Variants in SNX27 observed in about 807,000 individuals in gnomAD.
SNX27 encodes the protein sorting nexin 27.
Under a neutral mutation model 71.6 loss-of-function variants are expected in SNX27, and 22 were observed. The observed-to-expected ratio is 0.31, with a 90% CI of 0.22 to 0.44. The LOEUF (loss-of-function observed/expected upper bound fraction) is 0.44, where lower values mean the gene tolerates loss of function less well. SNX27 is among the 20% of genes least tolerant of loss of function. SNX27 has a pLI of 1.00. For missense variants in SNX27, 531 were observed against 698.6 expected, an observed-to-expected ratio of 0.76 and a Z score of 2.70; for synonymous variants, 269 against 277.2, an observed-to-expected ratio of 0.97 and a Z score of 0.29.
intron 11 of SNX27, chr1:151,694,012 G>A: frequency 8.2e-7 from 1 of 1,213,902 alleles, no homozygotes; most frequent in Non-Finnish European, 1.0e-6. Flanking sequence ...GAATCAGGAG[G>A]TCAAGTCAAG....
At position 151,665,946 on chromosome 1, in the gene SNX27, A is replaced by G; in HGVS notation, c.920A>G (p.Lys307Arg). Reference protein sequence around the residue: ...TDQVYQAIAAKVGMDSTTVNY... With the variant: ...TDQVYQAIAARVGMDSTTVNY... ...GTTTAACCTTAGGCTATCGCAGCAA[A>G]GGTTGGCATGGACAGTACGACAGTG... The change falls in exon 6 of 12, where the codon AAG (lysine) becomes AGG (arginine). Residue 307 changes from lysine to arginine, a missense_variant. By Grantham distance (26) the Lys-to-Arg change is conservative. This residue lies in a region of SNX27 where 184 missense variants were observed against 289.6 expected (regional missense o/e 0.64). Transcript: ENST00000458013. 3 of 1,598,856 alleles carry G rather than the reference A, an allele frequency of 1.9e-6. No homozygotes were observed. Among genetic ancestry groups the G allele is most frequent in the African/African-American group, 2.7e-5 (2 of 74,616 alleles).
chr1:151,648,608 AG>A (rs1669172878), intron 2 of SNX27, among the ~76,000 whole-genome samples: 2 of 151,818 alleles, frequency 1.3e-5, no homozygotes, highest in South Asian at 4.2e-4. Flanking sequence ...TAGTAGAGAC[AG>A]GGTTTCTCCA....
At chr1:151,675,810 C>CTTTTTTTTTTTTTTTTTTTTTTTTTTTT (rs57260474) in intron 7 of SNX27, 2 of 31,464 alleles carry the variant, frequency 6.4e-5, no homozygotes, top group Non-Finnish European at 1.2e-4. Flanking sequence ...TTCTTTCTTT[C>CTTTTTTTTTTTTTTTTTTTTTTTTTTTT]TTTTTTTTTT....
At chr1:151,685,290 A>C (rs1272490934) in intron 8 of SNX27, 1 of 152,234 alleles carries the variant, frequency 6.6e-6, no homozygotes, top group Non-Finnish European at 1.5e-5. Flanking sequence ...TTCATTCTTT[A>C]GTAGTGATTC....
chr1:151,673,143 A>G (rs1476402080), intron 7 of SNX27, among the ~76,000 whole-genome samples: 1 of 151,686 alleles, frequency 6.6e-6, no homozygotes, highest in African/African-American at 2.4e-5. Flanking sequence ...GCTGTATCCC[A>G]TAGGTTTTGG....
chr1:151,693,388 T>C, intron 10 of SNX27, 36 bp from the exon 11 acceptor site: 3 of 1,605,850 alleles, frequency 1.9e-6, no homozygotes, highest in Non-Finnish European at 2.6e-6. Context: ...TGCCTGCTCT[T>C]GAGAAGTTAG....
At chr1:151,685,089 G>A (rs1367833460) in intron 8 of SNX27, among the ~76,000 whole-genome samples, 2 of 151,988 alleles carry the variant, frequency 1.3e-5, no homozygotes, top group Non-Finnish European at 2.9e-5. Flanking sequence ...AATTACAGGC[G>A]TAAGCTACCG....
At chr1:151,663,783 C>T (rs2102686568) in intron 5 of SNX27, among the ~76,000 whole-genome samples, 1 of 152,178 alleles carries the variant, frequency 6.6e-6, no homozygotes, top group Middle Eastern at 3.4e-3. Context: ...CTGAGGTTAA[C>T]CAGTAGGTTT....
intron 2 of SNX27, 57 bp from the exon 3 acceptor site, chr1:151,658,178 A>T: frequency 2.7e-6 from 4 of 1,498,626 alleles, no homozygotes; most frequent in Non-Finnish European, 3.6e-6. Context: ...TGACTAGATG[A>T]TTTTGTGATT....
intron 4 of SNX27, 91 bp downstream of exon 4, chr1:151,660,953 A>T: frequency 1.0e-6 from 1 of 976,850 alleles, no homozygotes; most frequent in East Asian, 2.4e-5. Context: ...TTAAATTTCC[A>T]TAAGCTCTCC....
rs761578005 is a variant in SNX27, at chr1:151,638,834, G to A, written c.312-54G>A. 4 of 1,518,854 alleles carry A rather than the reference G, an allele frequency of 2.6e-6. No homozygotes were observed. In the East Asian group the frequency reaches 9.0e-5, roughly 34 times the overall value. The allele number at this position is 1,518,854 out of a possible 1,614,324, so 94.1% of individuals were successfully genotyped here. On this transcript the variant is annotated intron_variant, in intron 1 of 11. Transcript: ENST00000458013. ...TTTGGGCAGGAGGGTGGAGATACAAGGTGTTTGGACCCTTCTGGTTTATGG... is the reference window on the plus strand; with the variant it reads ...TTTGGGCAGGAGGGTGGAGATACAAAGTGTTTGGACCCTTCTGGTTTATGG...
At chr1:151,636,882 T>C (rs1668482148) in intron 1 of SNX27, among the ~76,000 whole-genome samples, 1 of 152,154 alleles carries the variant, frequency 6.6e-6, no homozygotes, top group Admixed American at 6.6e-5. Flanking sequence ...AAAATCTATA[T>C]ACATAGTACC....
chr1:151,687,743 T>G (rs1436025829), intron 8 of SNX27, among the ~76,000 whole-genome samples: 1 of 151,940 alleles, frequency 6.6e-6, no homozygotes, highest in Non-Finnish European at 1.5e-5. Context: ...GGTCAGGAGA[T>G]CGAAACCATC....
intron 7 of SNX27, chr1:151,676,739 G>A (rs969164986): frequency 1.3e-5 from 2 of 151,962 alleles, no homozygotes; most frequent in African/African-American, 4.8e-5. Flanking sequence ...GTGTGCTTTT[G>A]TCACAATATT....
Position 151,692,432 on chromosome 1 carries a change from T to TTTTTAAA in SNX27, c.1240-3_1240-2insTTTTAAA. 2.8e-6 allele frequency: 4 copies of TTTTTAAA among 1,452,060 alleles called. No individual in the cohort carries two copies. Among genetic ancestry groups the TTTTTAAA allele is most frequent in the Non-Finnish European group, 2.7e-6 (3 of 1,101,920 alleles). 89.9% of individuals were successfully genotyped at this position (1,452,060 alleles called of 1,614,324 possible). On this transcript the variant is annotated splice_polypyrimidine_tract_variant and splice_region_variant and intron_variant, in intron 8 of 11. Coordinates refer to ENST00000458013, the MANE Select transcript of SNX27 (RefSeq NM_001330723.2). ...TTTTTTTTTTTTTTTTTTTTTTTTT[T>TTTTTAAA]AGTACCTCAACATGCTAAGGACTTG...
chr1:151,676,270 A>ATTTTTTTTTTTT (rs752951557), intron 7 of SNX27: 1 of 56,484 alleles, frequency 1.8e-5, no homozygotes, highest in Non-Finnish European at 3.5e-5. Context: ...AGTGCTATTA[A>ATTTTTTTTTTTT]TTTTTTTTTT....
chr1:151,691,885 A>C (rs966039876), intron 8 of SNX27, among the ~76,000 whole-genome samples: 2 of 152,118 alleles, frequency 1.3e-5, no homozygotes, highest in African/African-American at 4.8e-5. Context: ...TGGCAAAAAA[A>C]AGTAGAAGTT....
intron 1 of SNX27, among the ~76,000 whole-genome samples, chr1:151,619,876 C>T (rs1397566159): frequency 6.6e-6 from 1 of 152,156 alleles, no homozygotes; most frequent in East Asian, 1.9e-4. Flanking sequence ...GAGAAGCTTA[C>T]ACTGCAGTAG....
intron 2 of SNX27, among the ~76,000 whole-genome samples, chr1:151,645,627 C>T (rs1669000395): frequency 6.6e-6 from 1 of 152,192 alleles, no homozygotes; most frequent in Admixed American, 6.5e-5. Context: ...TAAGGATCAC[C>T]TTCTCTGGTT....
Sources: gnomAD v4.1 joint callset for allele counts (sites outside exome capture counted in the v4.1 genomes callset) on GRCh38, gnomAD v4.1.1 for gene constraint, gnomAD v4.1.1 regional missense constraint, MANE v1.5 for transcripts, NCBI Gene and HGNC (gene_info 2026-07-23, HGNC 2026-07-21) for gene names.